HADH: variants seen among roughly 807,000 people sequenced by gnomAD.
The protein encoded by HADH is hydroxyacyl-CoA dehydrogenase.
A neutral mutation model predicts 32.2 loss-of-function variants in HADH; 24 were observed. That is an observed-to-expected ratio of 0.75 (90% CI 0.54 to 1.05). The LOEUF is 1.05. Among genes scored for constraint, HADH ranks in the 50% least tolerant of loss-of-function variants. HADH has a pLI of 0.00. For missense variants in HADH, 350 were observed against 397.1 expected, an observed-to-expected ratio of 0.88 and a Z score of 1.01; for synonymous variants, 139 against 152.5, an observed-to-expected ratio of 0.91 and a Z score of 0.65.
intron 1 of HADH, among the ~76,000 whole-genome samples, chr4:108,007,906 G>T (rs1175394140): frequency 6.6e-6 from 1 of 152,200 alleles, no homozygotes; most frequent in Non-Finnish European, 1.5e-5. Flanking sequence ...TGCTAACCTT[G>T]TGTCTCTAGG....
chr4:108,009,917 C>A, intron 2 of HADH, 30 bp downstream of exon 2: 1 of 1,496,266 alleles, frequency 6.7e-7, no homozygotes, highest in Non-Finnish European at 9.3e-7. Flanking sequence ...GTCTTCAAGA[C>A]AAGTCCTCTG....
chr4:108,032,320 T>C (rs1736296525), intron 6 of HADH: 4 of 1,584,944 alleles, frequency 2.5e-6, no homozygotes, highest in Non-Finnish European at 3.5e-6. Context: ...CGTAGTCTAC[T>C]CAACAGACTT....
intron 1 of HADH, among the ~76,000 whole-genome samples, chr4:107,996,758 G>A (rs149674884): frequency 0.018 from 2,694 of 152,190 alleles, 76 homozygotes; most frequent in African/African-American, 0.061. Context: ...GCTGAGCATG[G>A]TGACACATGC....
chr4:108,022,191 G>A (rs200913435), intron 4 of HADH, among the ~76,000 whole-genome samples: 2 of 55,978 alleles, frequency 3.6e-5, no homozygotes, highest in African/African-American at 9.2e-5. Flanking sequence ...GTGTGTGTAT[G>A]TGTGTGTGTA....
chr4:108,000,593 A>G (rs1183380088), intron 1 of HADH, among the ~76,000 whole-genome samples: 1 of 152,222 alleles, frequency 6.6e-6, no homozygotes, highest in Non-Finnish European at 1.5e-5. Context: ...GAATTCCTGC[A>G]CAAAAGATCT....
At chr4:108,012,841 CTATT>C (rs1268273375) in intron 2 of HADH, among the ~76,000 whole-genome samples, 1 of 152,212 alleles carries the variant, frequency 6.6e-6, no homozygotes, top group Non-Finnish European at 1.5e-5. Flanking sequence ...AGAAAAGTTA[CTATT>C]TATTCTTAAT....
intron 6 of HADH, chr4:108,031,033 C>T (rs904705249): frequency 3.3e-5 from 5 of 152,198 alleles, no homozygotes; most frequent in African/African-American, 9.7e-5. Context: ...AGCGTTGCTT[C>T]TAGGGTTAAT....
At chr4:108,020,192 G>C (rs569209055) in intron 4 of HADH, among the ~76,000 whole-genome samples, 1 of 152,270 alleles carries the variant, frequency 6.6e-6, no homozygotes, top group South Asian at 2.1e-4. Context: ...AGCTCCCATT[G>C]GGTGCGGCGG....
chr4:108,009,697 G>T, intron 1 of HADH, 62 bp from the exon 2 acceptor site: 1 of 1,478,614 alleles, frequency 6.8e-7, no homozygotes, highest in Non-Finnish European at 9.5e-7. Flanking sequence ...GGGGTGGGGT[G>T]TGTGCGCGTG....
chr4:108,001,720 G>C (rs1161166775), intron 1 of HADH, among the ~76,000 whole-genome samples: 4 of 152,222 alleles, frequency 2.6e-5, no homozygotes, highest in African/African-American at 9.6e-5. Flanking sequence ...GTGTGGATAT[G>C]CTGGACCAAG....
chr4:108,008,924 G>A (rs1208310574), intron 1 of HADH, among the ~76,000 whole-genome samples: 1 of 152,188 alleles, frequency 6.6e-6, no homozygotes. Flanking sequence ...TTGCCAGACA[G>A]TGATGAAATA....
intron 1 of HADH, among the ~76,000 whole-genome samples, chr4:108,006,742 G>A (rs1176738229): frequency 6.6e-6 from 1 of 152,194 alleles, no homozygotes; most frequent in Admixed American, 6.5e-5. Context: ...AGGGTGTTCT[G>A]TGTTGCTTTT....
At chr4:108,009,645 G>A (rs1578251373) in intron 1 of HADH, 114 bp from the exon 2 acceptor site, 1 of 817,704 alleles carries the variant, frequency 1.2e-6, no homozygotes, top group East Asian at 2.6e-5. Flanking sequence ...TGAATGGAAT[G>A]GTAGTAGAAT....
At chr4:108,023,292 T>C (rs1247972619) in intron 4 of HADH, among the ~76,000 whole-genome samples, 182 bp from the exon 5 acceptor site, 2 of 152,222 alleles carry the variant, frequency 1.3e-5, no homozygotes, top group African/African-American at 4.8e-5. Flanking sequence ...ACATTTGGCC[T>C]CTGTTTTAAA....
intron 1 of HADH, chr4:108,004,428 C>A: frequency 3.0e-6 from 1 of 332,880 alleles, no homozygotes; most frequent in East Asian, 7.7e-5. Flanking sequence ...CATTTTCTAA[C>A]CTCTGCATTT....
Position 108,004,725 on chromosome 4 carries a change from A to C in HADH, c.133-5034A>C, listed in dbSNP as rs1023929096. ...CTTTCAAGAAAGGAATGAAGAGAGA[A>C]GTTAGATGGAAAAGAGATTTTTAAG... On this transcript the variant is annotated intron_variant, in intron 1 of 7. Coordinates refer to ENST00000309522, the MANE Select transcript of HADH (RefSeq NM_005327.7). 2.6e-6 allele frequency: 4 copies of C among 1,532,442 alleles called. No homozygotes were observed. In the African/African-American group the frequency reaches 5.5e-5, roughly 21 times the overall value. 94.9% of individuals were successfully genotyped at this position (1,532,442 alleles called of 1,614,324 possible). A position where few individuals can be genotyped will look rare whatever the true frequency, so the allele number is the denominator to read the frequency against.
chr4:108,008,567 T>G (rs1352069697), intron 1 of HADH, among the ~76,000 whole-genome samples: 2 of 152,248 alleles, frequency 1.3e-5, no homozygotes, highest in African/African-American at 4.8e-5. Flanking sequence ...TTTTGAGTTT[T>G]GGTTGCCTTG....
intron 6 of HADH, 27 bp from the exon 7 acceptor site, chr4:108,033,149 G>T: frequency 9.4e-7 from 1 of 1,061,732 alleles, no homozygotes; most frequent in South Asian, 1.2e-5. Flanking sequence ...AGGTGGTGGT[G>T]ACCCAGTGCT....
At chr4:108,007,873 G>T (rs1735340842) in intron 1 of HADH, among the ~76,000 whole-genome samples, 1 of 152,222 alleles carries the variant, frequency 6.6e-6, no homozygotes, top group African/African-American at 2.4e-5. Flanking sequence ...AGATGATTAA[G>T]ACTTGAAGCT....
Sources: gnomAD v4.1 joint callset for allele counts (sites outside exome capture counted in the v4.1 genomes callset) on GRCh38, gnomAD v4.1.1 for gene constraint, MANE v1.5 for transcripts, NCBI Gene and HGNC (gene_info 2026-07-23, HGNC 2026-07-21) for gene names.